ZCRB1: variants seen among roughly 807,000 people sequenced by gnomAD.
The protein encoded by ZCRB1 is zinc finger CCHC-type and RNA binding motif containing 1.
Under a neutral mutation model 29.9 loss-of-function variants are expected in ZCRB1, and 21 were observed. That is an observed-to-expected ratio of 0.70 (90% CI 0.50 to 1.01). ZCRB1 has a LOEUF of 1.01. Ranked by LOEUF, ZCRB1 falls within the 50% of genes least tolerant of loss-of-function variation. The probability of loss-of-function intolerance (pLI) is 0.00; values close to 1 mark genes in which losing one functional copy is unlikely to be tolerated. For missense variants in ZCRB1, 204 were observed against 253.3 expected, an observed-to-expected ratio of 0.81 and a Z score of 1.32; for synonymous variants, 77 against 80.0, an observed-to-expected ratio of 0.96 and a Z score of 0.20.
chr12:42,317,851 G>C lies in ZCRB1; in HGVS notation c.161C>G (p.Ala54Gly). Reference sequence around the variant, plus strand: ...GTCTTTATCCAAAAATAAAATAAATGCAACCCCTTTACTCTTCCTGGTATC... The same window carrying C: ...GTCTTTATCCAAAAATAAAATAAATCCAACCCCTTTACTCTTCCTGGTATC... ...DKDTRKSKGV[A>G]FILFLDKDSA... The change falls in exon 4 of 8, where the codon GCA becomes GGA. Residue 54 changes from alanine to glycine, a missense_variant. Ala to Gly is a moderately conservative substitution (Grantham distance 60). Coordinates refer to ENST00000266529, the MANE Select transcript of ZCRB1 (RefSeq NM_033114.4). 2 of 1,613,820 alleles carry C rather than the reference G, an allele frequency of 1.2e-6. No individual in the cohort carries two copies. The highest frequency in any genetic ancestry group is 2.2e-5 in the South Asian group (2 of 91,076).
rs71084639 is a variant in ZCRB1 at position 42,314,397 on chromosome 12, TAAAAAAAAAAAAA to T, written c.334-424_334-412del. Among the ~76,000 whole-genome samples the T allele has an allele frequency of 0.027, 746 of 27,820 alleles. 41 individuals carry two copies. The East Asian group carries it at 0.29, about 11-fold the overall frequency. The allele number at this position is 27,820 out of a possible 152,430, so 18.3% of individuals were successfully genotyped here. ...CAAAATGGTGAAATCCCGTCTCTAC[TAAAAAAAAAAAAA>T]AAAAAAAAAAAAAAAAAAAAATTAG... is the stretch of plus-strand genomic sequence containing the variant. On this transcript the variant is annotated intron_variant, in intron 5 of 7. Coordinates refer to ENST00000266529, the MANE Select transcript of ZCRB1 (RefSeq NM_033114.4).
chr12:42,321,520 C>T (rs1021380458), intron 3 of ZCRB1, among the ~76,000 whole-genome samples: 5 of 152,166 alleles, frequency 3.3e-5, no homozygotes, highest in Admixed American at 3.3e-4. Context: ...CACATACCAT[C>T]ATCATTACCA....
Position 42,312,749 on chromosome 12 carries a change from A to T in ZCRB1, c.*318T>A, listed in dbSNP as rs2068575642. ...TTGGGATAAAGCTACAAGAAATATG[A>T]TGACAAAACACCCATATTTAAAGAC... On this transcript the variant is annotated 3_prime_UTR_variant, in exon 8 of 8. Coordinates refer to ENST00000266529, the MANE Select transcript of ZCRB1 (RefSeq NM_033114.4). The T allele has an allele frequency of 6.2e-6, 1 of 161,022 alleles. No homozygotes were observed. The allele number at this position is 161,022 out of a possible 1,614,324, so 10.0% of individuals were successfully genotyped here.
intron 1 of ZCRB1, among the ~76,000 whole-genome samples, chr12:42,324,369 A>T (rs531255117): frequency 2.6e-5 from 4 of 152,186 alleles, no homozygotes; most frequent in Admixed American, 6.5e-5. Flanking sequence ...GCTGGTCTTG[A>T]ACTCCTGACC....
chr12:42,319,640 A>G (rs2068611572), intron 3 of ZCRB1, among the ~76,000 whole-genome samples: 1 of 152,190 alleles, frequency 6.6e-6, no homozygotes, highest in Non-Finnish European at 1.5e-5. Context: ...TCAGTTTCTA[A>G]TAGCTTCAAC....
At chr12:42,318,027 T>C (rs1370802297) in intron 3 of ZCRB1, 129 bp from the exon 4 acceptor site, 3 of 698,088 alleles carry the variant, frequency 4.3e-6, no homozygotes, top group Non-Finnish European at 6.9e-6. Context: ...AAATCAGCTA[T>C]CTCTTCAAAG....
chr12:42,320,246 G>A (rs770121590), intron 3 of ZCRB1, among the ~76,000 whole-genome samples: 5 of 152,096 alleles, frequency 3.3e-5, no homozygotes, highest in East Asian at 1.9e-4. Flanking sequence ...GTCCTTATAC[G>A]CAAAGTAAGC....
chr12:42,314,940 A>G (rs1245479489), intron 5 of ZCRB1, among the ~76,000 whole-genome samples: 1 of 152,230 alleles, frequency 6.6e-6, no homozygotes, highest in Non-Finnish European at 1.5e-5. Flanking sequence ...CAACAGAGCA[A>G]GACCCTGTCT....
intron 5 of ZCRB1, 112 bp downstream of exon 5, chr12:42,317,228 A>T: frequency 1.5e-6 from 1 of 667,680 alleles, no homozygotes. Flanking sequence ...AAAATAAAGC[A>T]TTTTCATAAT....
chr12:42,323,412 G>T (rs2068631357), intron 2 of ZCRB1, among the ~76,000 whole-genome samples: 1 of 149,904 alleles, frequency 6.7e-6, no homozygotes, highest in Admixed American at 6.7e-5. Context: ...AATTTGCACA[G>T]GTGCCTCTTA....
At chr12:42,322,058 A>AACC (rs1565693670) in intron 3 of ZCRB1, among the ~76,000 whole-genome samples, 1 of 152,230 alleles carries the variant, frequency 6.6e-6, no homozygotes. Context: ...CAAAACAAAA[A>AACC]ACCACCTATT....
chr12:42,321,317 C>G (rs2068620270), intron 3 of ZCRB1, among the ~76,000 whole-genome samples: 1 of 152,194 alleles, frequency 6.6e-6, no homozygotes, highest in Non-Finnish European at 1.5e-5. Context: ...TCTGAAATCT[C>G]ACTGTTGGAT....
intron 2 of ZCRB1, 44 bp from the exon 3 acceptor site, chr12:42,322,490 A>G: frequency 7.0e-7 from 1 of 1,438,840 alleles, no homozygotes; most frequent in Non-Finnish European, 9.3e-7. Context: ...TTAAAATCAT[A>G]AAACATCAAA....
At chr12:42,318,745 T>C (rs968981105) in intron 3 of ZCRB1, among the ~76,000 whole-genome samples, 6 of 151,678 alleles carry the variant, frequency 4.0e-5, no homozygotes, top group Admixed American at 2.6e-4. Flanking sequence ...AGTGCAAGAG[T>C]GCGTGAGCGA....
chr12:42,322,316 A>T, intron 3 of ZCRB1, 102 bp downstream of exon 3: 1 of 1,134,522 alleles, frequency 8.8e-7, no homozygotes, highest in African/African-American at 1.6e-5. Flanking sequence ...TCTTTATTAT[A>T]TCAAGCATGT....
intron 2 of ZCRB1, among the ~76,000 whole-genome samples, chr12:42,323,451 CCTT>C (rs2068631614): frequency 6.6e-6 from 1 of 152,112 alleles, no homozygotes; most frequent in South Asian, 2.1e-4. Context: ...TCAAAAGTCA[CCTT>C]CTCAATAATG....
intron 1 of ZCRB1, 25 bp from the exon 2 acceptor site, chr12:42,324,129 G>C (rs747995849): frequency 6.9e-6 from 11 of 1,595,006 alleles, no homozygotes; most frequent in Non-Finnish European, 3.4e-6. Flanking sequence ...AAACTTATCA[G>C]CAATCAGTCT....
At chr12:42,325,327 A>G (rs2068689518) in intron 1 of ZCRB1, 1 of 152,098 alleles carries the variant, frequency 6.6e-6, no homozygotes. Context: ...GTATGATGTT[A>G]AGGAGTAAAT....
chr12:42,320,605 G>A (rs1041771171), intron 3 of ZCRB1, among the ~76,000 whole-genome samples: 1 of 151,814 alleles, frequency 6.6e-6, no homozygotes, highest in Admixed American at 6.6e-5. Flanking sequence ...GTACCACCAG[G>A]GCCGGCTACT....
Sources: gnomAD v4.1 joint callset for allele counts (sites outside exome capture counted in the v4.1 genomes callset) on GRCh38, gnomAD v4.1.1 for gene constraint, MANE v1.5 for transcripts, NCBI Gene and HGNC (gene_info 2026-07-23, HGNC 2026-07-21) for gene names.